Variants in NME7 observed in about 807,000 individuals in gnomAD.
NME7 encodes nucleoside diphosphate kinase 7.
A neutral mutation model predicts 49.1 loss-of-function variants in NME7; 41 were observed. That is an observed-to-expected ratio of 0.83 (90% CI 0.65 to 1.08). NME7 has a LOEUF of 1.08. Among genes scored for constraint, NME7 ranks in the 50% least tolerant of loss-of-function variants. The pLI is 0.00. For synonymous variants in NME7, 139 were observed against 150.6 expected (o/e 0.92, Z 0.56); for missense variants, 423 against 463.4 (o/e 0.91, Z 0.80).
chr1:169,145,288 T>C (rs1658716569), intron 11 of NME7, among the ~76,000 whole-genome samples: 1 of 152,218 alleles, frequency 6.6e-6, no homozygotes, highest in Non-Finnish European at 1.5e-5. Context: ...AGGGGACCAG[T>C]ATTTATCATT....
At chr1:169,301,168 C>T (rs1650923911) in intron 5 of NME7, among the ~76,000 whole-genome samples, 1 of 152,100 alleles carries the variant, frequency 6.6e-6, no homozygotes, top group Non-Finnish European at 1.5e-5. Context: ...AAAATATTCA[C>T]AAACTATGCA....
At chr1:169,144,926 A>T (rs1336840916) in intron 11 of NME7, among the ~76,000 whole-genome samples, 5 of 152,196 alleles carry the variant, frequency 3.3e-5, no homozygotes, top group Non-Finnish European at 5.9e-5. Context: ...ATCATCATGT[A>T]AACACTAGAA....
chr1:169,140,018 T>C (rs1269644617), intron 11 of NME7, among the ~76,000 whole-genome samples: 2 of 152,250 alleles, frequency 1.3e-5, no homozygotes, highest in Non-Finnish European at 2.9e-5. Flanking sequence ...TCGCAATCAC[T>C]TTCTGTGGTG....
chr1:169,299,968 C>T (rs866524182), intron 5 of NME7, among the ~76,000 whole-genome samples: 6 of 152,066 alleles, frequency 3.9e-5, no homozygotes, highest in Middle Eastern at 3.4e-3. Flanking sequence ...AAAAAAGATC[C>T]CCCTTCAAGA....
chr1:169,206,971 G>A (rs1660690265), intron 10 of NME7, among the ~76,000 whole-genome samples: 1 of 152,016 alleles, frequency 6.6e-6, no homozygotes, highest in Non-Finnish European at 1.5e-5. Context: ...TCTCATCCAA[G>A]TTCACAGACC....
intron 11 of NME7, among the ~76,000 whole-genome samples, chr1:169,166,442 T>C (rs1191147628): frequency 1.3e-5 from 2 of 152,052 alleles, no homozygotes; most frequent in Non-Finnish European, 1.5e-5. Flanking sequence ...TCATTTTCTA[T>C]AACAACAACA....
chr1:169,287,521 A>C (rs1650325638), intron 6 of NME7, 113 bp from the exon 7 acceptor site: 1 of 809,222 alleles, frequency 1.2e-6, no homozygotes, highest in South Asian at 2.4e-5. Context: ...CATCATATAA[A>C]TTTTTTGTTT....
intron 7 of NME7, among the ~76,000 whole-genome samples, chr1:169,282,744 T>A (rs1558021723): frequency 6.6e-6 from 1 of 152,194 alleles, no homozygotes; most frequent in Admixed American, 6.5e-5. Context: ...TCAGTTTCCA[T>A]GTATTTTGTG....
At chr1:169,172,681 G>A (rs911247687) in intron 10 of NME7, among the ~76,000 whole-genome samples, 1 of 152,154 alleles carries the variant, frequency 6.6e-6, no homozygotes, top group Non-Finnish European at 1.5e-5. Flanking sequence ...AAACTCCCCA[G>A]TGTGGCATTC....
intron 6 of NME7, among the ~76,000 whole-genome samples, chr1:169,294,603 T>C (rs1650634630): frequency 6.6e-6 from 1 of 152,156 alleles, no homozygotes; most frequent in South Asian, 2.1e-4. Context: ...TCACATAAGC[T>C]CATTTTCCAG....
chr1:169,350,651 T>C (rs957609591), intron 1 of NME7, among the ~76,000 whole-genome samples: 14 of 151,060 alleles, frequency 9.3e-5, no homozygotes, highest in Non-Finnish European at 5.9e-5. Context: ...CCTAGAGAAA[T>C]AGAAGGATAT....
chr1:169,183,767 G>T (rs757241375), intron 10 of NME7, among the ~76,000 whole-genome samples: 2 of 151,742 alleles, frequency 1.3e-5, no homozygotes, highest in Non-Finnish European at 2.9e-5. Flanking sequence ...ACGCCACTGT[G>T]CTCCAGCCTA....
chr1:169,138,726 T>C (rs749148939), intron 11 of NME7, among the ~76,000 whole-genome samples: 14 of 152,164 alleles, frequency 9.2e-5, no homozygotes, highest in Admixed American at 7.9e-4. Context: ...CTCTAAAATA[T>C]ATATAGATAT....
chr1:169,154,579 G>A (rs933309310), intron 11 of NME7, among the ~76,000 whole-genome samples: 1 of 152,032 alleles, frequency 6.6e-6, no homozygotes, highest in Non-Finnish European at 1.5e-5. Context: ...AGGCCAAGGT[G>A]AGCAGATCAG....
intron 10 of NME7, among the ~76,000 whole-genome samples, chr1:169,196,194 T>G (rs1660375887): frequency 6.6e-6 from 1 of 152,232 alleles, no homozygotes; most frequent in Non-Finnish European, 1.5e-5. Context: ...TCTTGAAATA[T>G]TCTTACAACT....
At chr1:169,179,103 G>A (rs1423862976) in intron 10 of NME7, among the ~76,000 whole-genome samples, 2 of 152,162 alleles carry the variant, frequency 1.3e-5, no homozygotes. Context: ...TTACAGGCAT[G>A]AGCCACCGCA....
chr1:169,145,615 A>G (rs568614839), intron 11 of NME7, among the ~76,000 whole-genome samples: 2 of 152,280 alleles, frequency 1.3e-5, no homozygotes, highest in East Asian at 3.9e-4. Flanking sequence ...TGCTCAGACC[A>G]TAGTGGTAAT....
chr1:169,296,992 G>A (rs1056917594), intron 6 of NME7, among the ~76,000 whole-genome samples: 1 of 148,830 alleles, frequency 6.7e-6, no homozygotes, highest in Non-Finnish European at 1.5e-5. Context: ...TTTTTCCCCC[G>A]AGATGGAGTC....
intron 7 of NME7, among the ~76,000 whole-genome samples, chr1:169,245,887 C>T (rs1383807566): frequency 1.3e-5 from 2 of 152,018 alleles, no homozygotes; most frequent in African/African-American, 4.8e-5. Context: ...TAACAAATAA[C>T]CTTAGGCATA....
Sources: allele counts gnomAD v4.1 joint callset (sites outside exome capture counted in the v4.1 genomes callset), GRCh38; gene constraint gnomAD v4.1.1; transcripts MANE v1.5; gene names NCBI Gene and HGNC (gene_info 2026-07-23, HGNC 2026-07-21).